Variants in CTNNA2 observed in about 807,000 individuals in gnomAD.
CTNNA2 encodes catenin alpha 2.
Under a neutral mutation model 101.0 loss-of-function variants are expected in CTNNA2, and 42 were observed. The ratio of observed to expected loss-of-function variants is 0.42; its 90% CI spans 0.32 to 0.54. CTNNA2 has a LOEUF of 0.54. Ranked by LOEUF, CTNNA2 falls within the 20% of genes least tolerant of loss-of-function variation. The pLI, the probability that CTNNA2 is intolerant of heterozygous loss-of-function variation, is 0.14. For missense variants in CTNNA2, 871 were observed against 1,223.1 expected, an observed-to-expected ratio of 0.71 and a Z score of 4.29; for synonymous variants, 450 against 456.4, an observed-to-expected ratio of 0.99 and a Z score of 0.18.
chr2:80,024,671 C>G (rs1694823677), intron 7 of CTNNA2, among the ~76,000 whole-genome samples: 1 of 152,176 alleles, frequency 6.6e-6, no homozygotes, highest in African/African-American at 2.4e-5. Context: ...CAGCAGTGTC[C>G]AACTGTGTTG....
At chr2:79,553,777 T>C (rs1356743439) in intron 1 of CTNNA2, among the ~76,000 whole-genome samples, 3 of 152,296 alleles carry the variant, frequency 2.0e-5, no homozygotes, top group Admixed American at 1.3e-4. Context: ...TCACTGAGGA[T>C]TACAATTCAA....
At chr2:79,494,277 A>G (rs994620945) in intron 4 of CTNNA2, among the ~76,000 whole-genome samples, 2 of 147,150 alleles carry the variant, frequency 1.4e-5, no homozygotes, top group African/African-American at 5.0e-5. Flanking sequence ...CAGCTGCCCT[A>G]TTTTTTTTTT....
intron 9 of CTNNA2, among the ~76,000 whole-genome samples, chr2:80,479,811 G>A (rs1456245709): frequency 6.6e-6 from 1 of 152,154 alleles, no homozygotes; most frequent in African/African-American, 2.4e-5. Flanking sequence ...CAGATATTGT[G>A]ATAGGAAATT....
intron 3 of CTNNA2, among the ~76,000 whole-genome samples, chr2:79,770,231 G>A (rs1310512332): frequency 2.6e-5 from 4 of 152,180 alleles, no homozygotes; most frequent in Non-Finnish European, 5.9e-5. Flanking sequence ...CTGAGGTTGA[G>A]AAATGCTGGT....
At chr2:80,621,895 C>T (rs3770365) in intron 18 of CTNNA2, among the ~76,000 whole-genome samples, 58,651 of 151,608 alleles carry the variant, frequency 0.39, 12,310 homozygotes, top group Non-Finnish European at 0.47. Context: ...CCTGGGTGGG[C>T]TGGATTGCAC....
chr2:79,527,269 GCAT>G (rs1418986452), intron 1 of CTNNA2, among the ~76,000 whole-genome samples: 4 of 151,920 alleles, frequency 2.6e-5, no homozygotes, highest in Admixed American at 1.3e-4. Flanking sequence ...GAGATGCTCA[GCAT>G]CATCAAGTGA....
intron 1 of CTNNA2, among the ~76,000 whole-genome samples, chr2:79,646,138 G>A (rs1680796579): frequency 1.3e-5 from 2 of 152,318 alleles, no homozygotes; most frequent in Admixed American, 6.5e-5. Context: ...ATTTAGAAAG[G>A]TGAGGCAGAG....
intron 6 of CTNNA2, among the ~76,000 whole-genome samples, chr2:79,897,388 A>T (rs916160652): frequency 6.6e-6 from 1 of 152,052 alleles, no homozygotes; most frequent in Admixed American, 6.6e-5. Context: ...GATGATCATG[A>T]CTTGAATAAG....
chr2:80,043,127 T>A, intron 7 of CTNNA2, among the ~76,000 whole-genome samples: 2 of 27,180 alleles, frequency 7.4e-5, no homozygotes, highest in Non-Finnish European at 1.4e-4. Flanking sequence ...TTCTCCTTCC[T>A]TCCTTCCTTC....
chr2:80,466,034 TCTTC>T (rs1360246769), intron 9 of CTNNA2, among the ~76,000 whole-genome samples: 1 of 152,208 alleles, frequency 6.6e-6, no homozygotes, highest in Non-Finnish European at 1.5e-5. Flanking sequence ...ATATGTGTTT[TCTTC>T]CTTTGTTATT....
intron 9 of CTNNA2, among the ~76,000 whole-genome samples, chr2:80,456,525 T>C (rs1683993866): frequency 6.6e-6 from 1 of 152,222 alleles, no homozygotes; most frequent in Non-Finnish European, 1.5e-5. Flanking sequence ...ATGTAGCTTG[T>C]ATGAGTTCTC....
At chr2:79,474,965 G>C (rs1671035892) in intron 4 of CTNNA2, among the ~76,000 whole-genome samples, 2 of 152,140 alleles carry the variant, frequency 1.3e-5, no homozygotes, top group South Asian at 4.1e-4. Flanking sequence ...TGAAGAGTGA[G>C]ACAGGAAAGA....
chr2:79,402,203 T>C (rs1365021560), intron 4 of CTNNA2, among the ~76,000 whole-genome samples: 1 of 151,828 alleles, frequency 6.6e-6, no homozygotes, highest in Non-Finnish European at 1.5e-5. Context: ...TGAATAACAA[T>C]AGTTGGAGAA....
intron 7 of CTNNA2, among the ~76,000 whole-genome samples, chr2:80,152,293 G>A (rs368766041): frequency 1.3e-4 from 20 of 151,962 alleles, no homozygotes; most frequent in African/African-American, 3.1e-4. Context: ...GGCAGATCCC[G>A]GAGAAGAACC....
chr2:80,042,916 C>A (rs376228607), intron 7 of CTNNA2, among the ~76,000 whole-genome samples: 27 of 152,040 alleles, frequency 1.8e-4, no homozygotes, highest in African/African-American at 4.6e-4. Context: ...GACTTTGGAG[C>A]CTGTAGTTTC....
chr2:80,614,752 CCCAGTTTTGAA>C (rs1698715269), intron 17 of CTNNA2, among the ~76,000 whole-genome samples: 2 of 151,280 alleles, frequency 1.3e-5, no homozygotes, highest in African/African-American at 4.8e-5. Context: ...CTACCCTCTC[CCCAGTTTTGAA>C]CCAGTTTTGG....
intron 3 of CTNNA2, among the ~76,000 whole-genome samples, chr2:79,358,914 C>G (rs1677566393): frequency 6.6e-6 from 1 of 152,120 alleles, no homozygotes; most frequent in Non-Finnish European, 1.5e-5. Context: ...CAAAAGCTCT[C>G]TAACCCAAAT....
rs376496122 is a variant in CTNNA2, at chr2:79,346,934, G to A, written c.-317-26897G>A. 4.6e-4 allele frequency among the ~76,000 whole-genome samples: 70 copies of A among 152,214 alleles called. 1 individual carries two copies. The South Asian group carries it at 0.014, about 31-fold the overall frequency. On this transcript the variant is annotated intron_variant, in intron 3 of 21. Transcript: ENST00000466387. ...TAGAAAGTTTCTTCAGGCACTGGGG[G>A]ACTCCAAAATGTGGGAAGGCAGAGT...
At chr2:80,472,271 C>T (rs1447039132) in intron 9 of CTNNA2, among the ~76,000 whole-genome samples, 2 of 152,108 alleles carry the variant, frequency 1.3e-5, no homozygotes, top group Non-Finnish European at 2.9e-5. Flanking sequence ...AGCTCAGTGG[C>T]ACCAAAAGGA....
Sources: allele counts gnomAD v4.1 joint callset (sites outside exome capture counted in the v4.1 genomes callset), GRCh38; gene constraint gnomAD v4.1.1; transcripts MANE v1.5; gene names NCBI Gene and HGNC (gene_info 2026-07-23, HGNC 2026-07-21).